The following MSI2 variants were observed in gnomAD, a reference collection of about 807,000 sequenced individuals.
MSI2 encodes the protein RNA-binding protein Musashi homolog 2.
Under a neutral mutation model 45.6 loss-of-function variants are expected in MSI2, and 17 were observed. The ratio of observed to expected loss-of-function variants is 0.37; its 90% CI spans 0.26 to 0.56. The LOEUF (loss-of-function observed/expected upper bound fraction) is 0.56, where lower values mean the gene tolerates loss of function less well. MSI2 is among the 20% of genes least tolerant of loss of function. The pLI is 0.77. For missense variants in MSI2, 293 were observed against 444.2 expected, an observed-to-expected ratio of 0.66 and a Z score of 3.06; for synonymous variants, 156 against 158.2, an observed-to-expected ratio of 0.99 and a Z score of 0.11.
In MSI2 at chr17:57,529,770, C is replaced by T. The variant is rs1212097401; in HGVS notation, c.454+46C>T. 1.2e-5 allele frequency: 18 copies of T among 1,523,064 alleles called. No homozygotes were observed. The Middle Eastern group carries it at 5.1e-4, about 43-fold the overall frequency. 94.3% of individuals were successfully genotyped at this position (1,523,064 alleles called of 1,614,324 possible). On this transcript the variant is annotated intron_variant, in intron 7 of 13. Transcript: ENST00000284073. This position sits in a 1 kb window ranked among gnomAD's most constrained non-coding sequence, Gnocchi z 5.3. ...GAGGGTTGCGTTCACCCTCTCCTGG[C>T]CTCTCTGTCTGTCATCCCCAGTCCC...
intron 10 of MSI2, among the ~76,000 whole-genome samples, chr17:57,638,064 G>A (rs561947877): frequency 1.3e-5 from 2 of 152,292 alleles, no homozygotes; most frequent in South Asian, 2.1e-4. Flanking sequence ...AAGCAACAAC[G>A]AAAAACAGAA....
Position 57,262,210 on chromosome 17 carries a change from CAGT to C in MSI2, c.312+21_312+23del. 1 of 1,613,606 alleles carries C rather than the reference CAGT, an allele frequency of 6.2e-7. No homozygotes were observed. Among genetic ancestry groups the C allele is most frequent in the Non-Finnish European group, 8.5e-7 (1 of 1,179,696 alleles). ...AACCCAAGGTAAGTAGGAGAATAAA[CAGT>C]AGGATTTTAGCACTCAGAGATGATT... is the stretch of plus-strand genomic sequence containing the variant. On this transcript the variant is annotated intron_variant, in intron 5 of 13. Coordinates refer to ENST00000284073, the MANE Select transcript of MSI2 (RefSeq NM_138962.4).
chr17:57,281,191 C>T (rs1909386088), intron 5 of MSI2, among the ~76,000 whole-genome samples: 1 of 152,176 alleles, frequency 6.6e-6, no homozygotes, highest in Non-Finnish European at 1.5e-5. Flanking sequence ...GCAAGGCCCA[C>T]TCCCCTGTGG....
At chr17:57,639,529 G>A (rs1041414711) in intron 10 of MSI2, among the ~76,000 whole-genome samples, 1 of 152,232 alleles carries the variant, frequency 6.6e-6, no homozygotes, top group Admixed American at 6.5e-5. Flanking sequence ...GCTGTTCCCC[G>A]ACTGGGGCCT....
chr17:57,324,988 CTT>C (rs1567757888), intron 5 of MSI2, among the ~76,000 whole-genome samples: 1 of 152,184 alleles, frequency 6.6e-6, no homozygotes, highest in Non-Finnish European at 1.5e-5. Flanking sequence ...AAAATCACCA[CTT>C]TGTCATTTGG....
At chr17:57,562,809 G>T (rs2087612259) in intron 7 of MSI2, among the ~76,000 whole-genome samples, 1 of 151,906 alleles carries the variant, frequency 6.6e-6, no homozygotes, top group African/African-American at 2.4e-5. Flanking sequence ...TTTTAAAAAT[G>T]CGTACAGGCC....
chr17:57,289,508 C>T (rs1353086860), intron 5 of MSI2, among the ~76,000 whole-genome samples: 1 of 152,052 alleles, frequency 6.6e-6, no homozygotes. Flanking sequence ...TTTTGCTTGC[C>T]AGGACTCTGC....
intron 10 of MSI2, among the ~76,000 whole-genome samples, chr17:57,637,073 G>A (rs1434946392): frequency 1.3e-5 from 2 of 152,118 alleles, no homozygotes; most frequent in African/African-American, 2.4e-5. Context: ...CTTGAGCCTC[G>A]TCTCTGGGGA....
At position 57,359,010 on chromosome 17, in the gene MSI2, C is replaced by T. The variant is rs1916640182; in HGVS notation, c.313-42369C>T. On this transcript the variant is annotated intron_variant, in intron 5 of 13. Transcript: ENST00000284073. ...AAAGTCTCTTGATGCCATTGCTGGC[C>T]AGAACTTGGGTGGGAGAATGGGAAC... 2.6e-5 allele frequency among the ~76,000 whole-genome samples: 4 copies of T among 152,132 alleles called. No homozygotes were observed. In the South Asian group the frequency reaches 8.3e-4, roughly 32 times the overall value.
At chr17:57,478,505 C>T (rs966647273) in intron 6 of MSI2, among the ~76,000 whole-genome samples, 1 of 152,160 alleles carries the variant, frequency 6.6e-6, no homozygotes, top group East Asian at 1.9e-4. Context: ...CCCTGAAGCA[C>T]GCATTGTACT....
chr17:57,672,917 TC>T (rs1481142205), intron 11 of MSI2, among the ~76,000 whole-genome samples: 2 of 152,230 alleles, frequency 1.3e-5, no homozygotes, highest in African/African-American at 4.8e-5. Context: ...AAAATCTCCA[TC>T]CCTTTTTTCT....
At chr17:57,269,023 T>C (rs974286683) in intron 5 of MSI2, among the ~76,000 whole-genome samples, 1 of 151,722 alleles carries the variant, frequency 6.6e-6, no homozygotes, top group African/African-American at 2.4e-5. Flanking sequence ...CTGGAAAGGG[T>C]GGGATAAGCA....
chr17:57,343,506 G>GCATTACTCAATTAGGGAATGACTCAAT (rs1441583514), intron 5 of MSI2, among the ~76,000 whole-genome samples: 26 of 151,978 alleles, frequency 1.7e-4, no homozygotes, highest in Non-Finnish European at 3.4e-4. Flanking sequence ...GGGAATAATT[G>GCATTACTCAATTAGGGAATGACTCAAT]TACGCATTGT....
chr17:57,477,928 T>A (rs975241271), intron 6 of MSI2, among the ~76,000 whole-genome samples: 1 of 152,186 alleles, frequency 6.6e-6, no homozygotes, highest in African/African-American at 2.4e-5. Flanking sequence ...AACCAGCCCC[T>A]TCTGCACCTC....
chr17:57,679,271 A>C (rs1913454664), intron 13 of MSI2, among the ~76,000 whole-genome samples: 1 of 152,214 alleles, frequency 6.6e-6, no homozygotes, highest in African/African-American at 2.4e-5. Flanking sequence ...CTACCTCAAC[A>C]ACCCTATGGT....
At chr17:57,379,374 G>A (rs2083558298) in intron 5 of MSI2, among the ~76,000 whole-genome samples, 1 of 151,928 alleles carries the variant, frequency 6.6e-6, no homozygotes, top group Non-Finnish European at 1.5e-5. Context: ...TTTATGGAAG[G>A]GTGTCTTTAT....
At chr17:57,484,413 T>C (rs1373461001) in intron 6 of MSI2, among the ~76,000 whole-genome samples, 1 of 152,226 alleles carries the variant, frequency 6.6e-6, no homozygotes, top group Non-Finnish European at 1.5e-5. Context: ...CAAATATTTC[T>C]TCCCCCTCGG....
intron 5 of MSI2, among the ~76,000 whole-genome samples, chr17:57,269,590 T>C (rs1908161002): frequency 6.6e-6 from 1 of 152,236 alleles, no homozygotes; most frequent in South Asian, 2.1e-4. Flanking sequence ...TCTCTCATTC[T>C]CTTGTTTCTA....
intron 5 of MSI2, among the ~76,000 whole-genome samples, chr17:57,374,727 C>T (rs914988391): frequency 4.6e-5 from 7 of 152,092 alleles, no homozygotes; most frequent in African/African-American, 1.7e-4. Context: ...TGCAGTAAGT[C>T]GAGATTATGC....
Sources: allele counts gnomAD v4.1 joint callset (sites outside exome capture counted in the v4.1 genomes callset), GRCh38; gene constraint gnomAD v4.1.1; non-coding constraint Gnocchi (gnomAD v3.1); transcripts MANE v1.5; gene names NCBI Gene and HGNC (gene_info 2026-07-23, HGNC 2026-07-21).